TGM2: variants seen among roughly 807,000 people sequenced by gnomAD.
The protein encoded by TGM2 is transglutaminase 2, also known as protein-glutamine gamma-glutamyltransferase 2.
In TGM2, 53 loss-of-function variants were observed where a neutral mutation model predicts 75.6. That is an observed-to-expected ratio of 0.70 (90% confidence interval 0.56 to 0.88). The LOEUF is 0.88. Ranked by LOEUF, TGM2 falls within the 40% of genes least tolerant of loss-of-function variation. The pLI, the probability that TGM2 is intolerant of heterozygous loss-of-function variation, is 0.00. For missense variants in TGM2, 842 were observed against 928.5 expected (o/e 0.91, Z 1.21); for synonymous variants, 374 against 381.1 (o/e 0.98, Z 0.22).
rs1199376180 is a variant in TGM2, at chr20:38,149,678, C to CAAAAAAAAAAAAAAAAAAAAAAAA, written c.552+1260_552+1261insTTTTTTTTTTTTTTTTTTTTTTTT. ...TGGGCAACAGAGCGAGACTCCGCCTCAAAAAAAAAAAAAAAAAAAAAAACA... is the reference window on the plus strand; with the variant it reads ...TGGGCAACAGAGCGAGACTCCGCCTCAAAAAAAAAAAAAAAAAAAAAAAAAAAAAAAAAAAAAAAAAAAAAAACA... On this transcript the variant is annotated intron_variant, in intron 4 of 12. Transcript: ENST00000361475. Among the ~76,000 whole-genome samples, 18 of 40,436 alleles carry CAAAAAAAAAAAAAAAAAAAAAAAA rather than the reference C, an allele frequency of 4.5e-4. 1 individual carries two copies. The highest frequency in any genetic ancestry group is 8.3e-4 in the East Asian group (1 of 1,198). The allele number at this position is 40,436 out of a possible 152,430, so 26.5% of individuals were successfully genotyped here.
At chr20:38,144,349 C>T (rs559413497) in intron 6 of TGM2, among the ~76,000 whole-genome samples, 123 of 152,278 alleles carry the variant, frequency 8.1e-4, no homozygotes, top group Non-Finnish European at 1.3e-3. Context: ...AGAGAGGCCG[C>T]GGGTGTGGGC....
Position 38,146,716 on chromosome 20 carries a change from C to A in TGM2, c.859+1G>T. ...GACCCACATCCCAGCGTGCAGCTCA[C>A]CTGTGCAGGCCACGGCGGCGAAGAC... On this transcript the variant is annotated splice_donor_variant, in intron 6 of 12. Transcript: ENST00000361475. LOFTEE classifies it high-confidence loss of function. 6.2e-7 allele frequency: 1 copy of A among 1,612,864 alleles called. No individual in the cohort carries two copies. The highest frequency in any genetic ancestry group is 8.5e-7 in the Non-Finnish European group (1 of 1,179,360).
At position 38,148,004 on chromosome 20, in the gene TGM2, C is replaced by T. The variant is rs745494744; in HGVS notation, c.638G>A (p.Arg213His). ...GCCCACGTAGACGGGGCTGCTGCGGCGGGAGCAGTCACGGCCGGCGTTCTT... is the reference window on the plus strand; with the variant it reads ...GCCCACGTAGACGGGGCTGCTGCGGTGGGAGCAGTCACGGCCGGCGTTCTT... ...FLKNAGRDCS[R>H]RSSPVYVGRV... The change falls in exon 5 of 13, where the codon CGC becomes CAC. Residue 213 changes from arginine (R) to histidine (H), a missense_variant. By Grantham distance (29) the Arg-to-His change is conservative. Transcript: ENST00000361475. 6.2e-6 allele frequency: 10 copies of T among 1,607,964 alleles called. No individual in the cohort carries two copies. The highest frequency in any genetic ancestry group is 4.0e-5 in the African/African-American group (3 of 74,880).
In TGM2 at chr20:38,130,011, A is replaced by G. The variant is rs1449574161; in HGVS notation, c.*208T>C. On this transcript the variant is annotated 3_prime_UTR_variant, in exon 13 of 13. Transcript: ENST00000361475. ...GCTCCCACTGTTTCTGGCACAGAGC[A>G]TTCCTCACAGCAAAGGGGGTGAGTG... 13 of 649,242 alleles carry G rather than the reference A, an allele frequency of 2.0e-5. No homozygotes were observed. In the East Asian group the frequency reaches 3.6e-4, roughly 18 times the overall value. The allele number at this position is 649,242 out of a possible 1,614,324, so 40.2% of individuals were successfully genotyped here.
chr20:38,131,101 C>A lies in TGM2; in HGVS notation c.1905G>T (p.Thr635=), dbSNP rs143580997. The A allele has an allele frequency of 1.2e-6, 2 of 1,612,382 alleles. No homozygotes were observed. Among genetic ancestry groups the A allele is most frequent in the Non-Finnish European group, 1.7e-6 (2 of 1,179,956 alleles). ...GAGCAGCCAGCACTTACATCTCCAC[C>A]GTCTTCTGCTCCTCAGTCAGGCCGG... ...EGAGLTEEQK[T]VEIPDPVEAG... The change falls in exon 12 of 13, where the codon ACG becomes ACT. Residue 635 remains threonine, a synonymous_variant. Coordinates refer to ENST00000361475, the MANE Select transcript of TGM2 (RefSeq NM_004613.4).
chr20:38,145,299 C>A (rs1196821470), intron 6 of TGM2: 5 of 152,190 alleles, frequency 3.3e-5, no homozygotes, highest in African/African-American at 1.2e-4. Flanking sequence ...AAGCCCCAGA[C>A]CAGCCTTTTA....
intron 6 of TGM2, among the ~76,000 whole-genome samples, chr20:38,144,459 G>A (rs1402205178): frequency 6.6e-6 from 1 of 152,172 alleles, no homozygotes; most frequent in Non-Finnish European, 1.5e-5. Flanking sequence ...GTCCATCAGT[G>A]CTGGCTGATT....
In TGM2 at chr20:38,161,413, T is replaced by C; in HGVS notation, c.190+7A>G. ...GGTGGTGGTGGAGTGGGGTTGCAGG[T>C]ACTCACCGGTCACGACACTGAAGGT... On this transcript the variant is annotated splice_region_variant and intron_variant, in intron 2 of 12. Transcript: ENST00000361475. 1 of 1,613,760 alleles carries C rather than the reference T, an allele frequency of 6.2e-7. No homozygotes were observed. The highest frequency in any genetic ancestry group is 8.5e-7 in the Non-Finnish European group (1 of 1,179,824).
upstream of TGM2, chr20:38,165,286 G>A (rs2075299963): frequency 1.9e-6 from 3 of 1,597,296 alleles, no homozygotes; most frequent in Non-Finnish European, 2.6e-6. Flanking sequence ...GGCGGAGAGC[G>A]GCGCTAACTT....
rs184153755 is a variant in TGM2 at position 38,151,792 on chromosome 20, T to C, written c.434-735A>G. Among the ~76,000 whole-genome samples, 21 of 152,290 alleles carry C rather than the reference T, an allele frequency of 1.4e-4. No individual in the cohort carries two copies. In the East Asian group the frequency reaches 2.9e-3, roughly 21 times the overall value. On this transcript the variant is annotated intron_variant, in intron 3 of 12. Coordinates refer to ENST00000361475, the MANE Select transcript of TGM2 (RefSeq NM_004613.4). ...AGAGTTGGAACCTGGAGGGTAGCAT[T>C]CTAAGCAGAGGACCAGAAAGCACAA...
intron 3 of TGM2, among the ~76,000 whole-genome samples, chr20:38,152,854 C>T (rs575640172): frequency 2.6e-5 from 4 of 152,370 alleles, no homozygotes; most frequent in South Asian, 2.1e-4. Flanking sequence ...AACCCGCCGC[C>T]GGGTGAGGCC....
chr20:38,142,017 G>A, intron 7 of TGM2, 47 bp downstream of exon 7: 3 of 1,611,606 alleles, frequency 1.9e-6, no homozygotes, highest in Non-Finnish European at 2.5e-6. Flanking sequence ...TCCTCTCCAT[G>A]GGGCCCTCCC....
At chr20:38,139,880 G>C (rs2074949959) in intron 8 of TGM2, among the ~76,000 whole-genome samples, 1 of 152,202 alleles carries the variant, frequency 6.6e-6, no homozygotes, top group African/African-American at 2.4e-5. Context: ...TTATTAGCTG[G>C]TGACTTTGGG....
intron 10 of TGM2, among the ~76,000 whole-genome samples, chr20:38,135,298 G>A (rs1053059986): frequency 1.3e-5 from 2 of 152,032 alleles, no homozygotes; most frequent in Admixed American, 1.3e-4. Context: ...GGAGCTGGTG[G>A]GTGTGCACTG....
At chr20:38,164,401 T>G (rs1157488948) in intron 1 of TGM2, among the ~76,000 whole-genome samples, 2 of 152,132 alleles carry the variant, frequency 1.3e-5, no homozygotes, top group Non-Finnish European at 2.9e-5. Context: ...TAGAAATCCC[T>G]CCAGCTGGGA....
intron 2 of TGM2, among the ~76,000 whole-genome samples, chr20:38,158,996 G>A (rs1036784474): frequency 2.0e-5 from 3 of 152,186 alleles, no homozygotes; most frequent in South Asian, 2.1e-4. Flanking sequence ...GGGCTCTTCC[G>A]TGGCTGCCTA....
chr20:38,141,171 T>G (rs1369550989), intron 8 of TGM2, 111 bp downstream of exon 8: 8 of 792,740 alleles, frequency 1.0e-5, no homozygotes, highest in Non-Finnish European at 1.7e-5. Flanking sequence ...TGTGGACCCA[T>G]CAGTGGTCTC....
At chr20:38,165,587 C>T (rs2075303414), upstream of TGM2, among the ~76,000 whole-genome samples, 1 of 151,922 alleles carries the variant, frequency 6.6e-6, no homozygotes, top group Non-Finnish European at 1.5e-5. Context: ...CTCATAGAAA[C>T]ACACAACGGA....
At chr20:38,130,450 G>C (rs1460644381) in intron 12 of TGM2, 81 bp from the exon 13 acceptor site, 13 of 1,453,414 alleles carry the variant, frequency 8.9e-6, no homozygotes, top group Non-Finnish European at 1.2e-5. Flanking sequence ...GAAGTCACGT[G>C]ACCTCCGAGG....
Sources: gnomAD v4.1 joint callset for allele counts (sites outside exome capture counted in the v4.1 genomes callset) on GRCh38, gnomAD v4.1.1 for gene constraint, MANE v1.5 for transcripts, NCBI Gene and HGNC (gene_info 2026-07-23, HGNC 2026-07-21) for gene names.